ANK3: variants seen among roughly 807,000 people sequenced by gnomAD.
ANK3 encodes ankyrin 3.
A neutral mutation model predicts 370.9 loss-of-function variants in ANK3; 57 were observed. The observed-to-expected ratio is 0.15, with a 90% CI of 0.12 to 0.19. ANK3 has a LOEUF of 0.19. Among genes scored for constraint, ANK3 ranks in the 10% least tolerant of loss-of-function variants. The pLI is 1.00. For synonymous variants in ANK3, 1,929 were observed against 1,946.3 expected, an observed-to-expected ratio of 0.99 and a Z score of 0.23; for missense variants, 4,439 against 5,302.1, an observed-to-expected ratio of 0.84 and a Z score of 5.06.
intron 33 of ANK3, 62 bp from the exon 34 acceptor site, chr10:60,082,799 A>G (rs371990007): frequency 5.2e-6 from 8 of 1,541,430 alleles, no homozygotes; most frequent in South Asian, 3.6e-5. Flanking sequence ...TTTTAACTGT[A>G]TAAGAGTTAA....
At chr10:60,623,092 T>C (rs2078360171) in intron 1 of ANK3, among the ~76,000 whole-genome samples, 1 of 152,154 alleles carries the variant, frequency 6.6e-6, no homozygotes, top group Non-Finnish European at 1.5e-5. Context: ...ACAGTAAACA[T>C]GTATTGGGTC....
At chr10:60,643,099 T>C (rs2133353125) in intron 1 of ANK3, among the ~76,000 whole-genome samples, 1 of 152,306 alleles carries the variant, frequency 6.6e-6, no homozygotes, top group African/African-American at 2.4e-5. Context: ...CTGTCAGCCC[T>C]TCCTTGACCT....
chr10:60,532,901 T>C (rs567733072), intron 2 of ANK3, among the ~76,000 whole-genome samples: 1 of 152,168 alleles, frequency 6.6e-6, no homozygotes, highest in African/African-American at 2.4e-5. Flanking sequence ...AGGGTAATTC[T>C]AAGAGGAGTG....
intron 4 of ANK3, among the ~76,000 whole-genome samples, chr10:60,276,867 T>C (rs2098098208): frequency 6.6e-6 from 1 of 152,242 alleles, no homozygotes; most frequent in Non-Finnish European, 1.5e-5. Flanking sequence ...CACATTTCAG[T>C]AAAATATTAT....
At chr10:60,725,748 A>C (rs1308485595) in intron 1 of ANK3, among the ~76,000 whole-genome samples, 1 of 152,152 alleles carries the variant, frequency 6.6e-6, no homozygotes, top group Non-Finnish European at 1.5e-5. Context: ...GTAAGCAATT[A>C]GTGTTATTTT....
intron 36 of ANK3, among the ~76,000 whole-genome samples, chr10:60,079,135 G>A (rs2084506951): frequency 1.4e-5 from 2 of 141,360 alleles, no homozygotes; most frequent in African/African-American, 2.7e-5. Flanking sequence ...AACTTCCCCA[G>A]TGTATTTAAT....
At chr10:60,179,892 G>T (rs1387285202) in intron 18 of ANK3, among the ~76,000 whole-genome samples, 1 of 152,128 alleles carries the variant, frequency 6.6e-6, no homozygotes, top group African/African-American at 2.4e-5. Flanking sequence ...GGCATGGCTT[G>T]GATGTGCTGG....
intron 2 of ANK3, among the ~76,000 whole-genome samples, chr10:60,403,812 CTT>C (rs952879196): frequency 1.5e-4 from 23 of 152,104 alleles, no homozygotes; most frequent in African/African-American, 4.1e-4. Flanking sequence ...AAAACTGTCT[CTT>C]TTTACAAATG....
intron 2 of ANK3, among the ~76,000 whole-genome samples, chr10:60,594,073 C>A (rs2077954064): frequency 6.6e-6 from 1 of 152,146 alleles, no homozygotes; most frequent in South Asian, 2.1e-4. Flanking sequence ...ATTTATAGAA[C>A]TAAAACTTAT....
intron 7 of ANK3, among the ~76,000 whole-genome samples, chr10:60,246,974 G>A (rs1320291732): frequency 6.6e-6 from 1 of 152,100 alleles, no homozygotes; most frequent in Non-Finnish European, 1.5e-5. Flanking sequence ...ACCTTTGCAT[G>A]ATTAGATGTT....
intron 1 of ANK3, among the ~76,000 whole-genome samples, chr10:60,687,938 C>T (rs1383007212): frequency 1.3e-5 from 2 of 152,086 alleles, no homozygotes; most frequent in Non-Finnish European, 2.9e-5. Context: ...GGATATTATG[C>T]TAAGTGAAAT....
At chr10:60,050,067 A>G (rs570424640) in intron 42 of ANK3, among the ~76,000 whole-genome samples, 27 of 152,320 alleles carry the variant, frequency 1.8e-4, no homozygotes, top group South Asian at 1.0e-3. Context: ...TTAAAATATC[A>G]TATCTTGAAG....
At chr10:60,262,622 T>C (rs556584997) in intron 6 of ANK3, among the ~76,000 whole-genome samples, 17 of 152,340 alleles carry the variant, frequency 1.1e-4, no homozygotes, top group Non-Finnish European at 2.4e-4. Flanking sequence ...AGGAACTAGA[T>C]GCATTTCTAA....
rs144155312 is a variant in ANK3 at position 60,625,110 on chromosome 10, C to A, written c.58-9886G>T. 3.5e-3 allele frequency among the ~76,000 whole-genome samples: 532 copies of A among 152,190 alleles called. 4 individuals are homozygous for A. Among genetic ancestry groups the A allele is most frequent in the African/African-American group, 0.012 (496 of 41,522 alleles). On this transcript the variant is annotated intron_variant, in intron 1 of 43. Transcript: ENST00000373827. Reference sequence around the variant, plus strand: ...CCTTTAAGAGGACTGGCGGGCCCTGCTTCCTGCCTCTTGGTACCCTGAGCC... The same window carrying A: ...CCTTTAAGAGGACTGGCGGGCCCTGATTCCTGCCTCTTGGTACCCTGAGCC...
At chr10:60,267,041 A>C (rs764629765) in intron 5 of ANK3, among the ~76,000 whole-genome samples, 1 of 152,216 alleles carries the variant, frequency 6.6e-6, no homozygotes, top group Non-Finnish European at 1.5e-5. Context: ...CGTTTTAAAA[A>C]CCACAATTAT....
intron 1 of ANK3, among the ~76,000 whole-genome samples, chr10:60,674,002 A>G (rs1037408756): frequency 6.6e-6 from 1 of 152,192 alleles, no homozygotes; most frequent in South Asian, 2.1e-4. Context: ...GAAGCAGTAC[A>G]TGAGTTTGGG....
At chr10:60,242,566 A>G (rs907544618) in intron 7 of ANK3, among the ~76,000 whole-genome samples, 2 of 152,170 alleles carry the variant, frequency 1.3e-5, no homozygotes, top group African/African-American at 4.8e-5. Context: ...ACATTTCATC[A>G]GGAATGAGAA....
chr10:60,732,851 C>T (rs1399320449), intron 1 of ANK3, among the ~76,000 whole-genome samples: 7 of 152,072 alleles, frequency 4.6e-5, no homozygotes, highest in East Asian at 3.9e-4. Flanking sequence ...AGGAAAGGTT[C>T]AGCCTGGCAC....
intron 28 of ANK3, among the ~76,000 whole-genome samples, chr10:60,097,673 A>G (rs2090407712): frequency 6.6e-6 from 1 of 152,170 alleles, no homozygotes; most frequent in Non-Finnish European, 1.5e-5. Context: ...TCAAATGACC[A>G]TCTTGATTAG....
Sources: allele counts gnomAD v4.1 joint callset (sites outside exome capture counted in the v4.1 genomes callset), GRCh38; gene constraint gnomAD v4.1.1; transcripts MANE v1.5; gene names NCBI Gene and HGNC (gene_info 2026-07-23, HGNC 2026-07-21).